CPXM2: variants seen among roughly 807,000 people sequenced by gnomAD.
CPXM2 encodes carboxypeptidase X, M14 family member 2.
A neutral mutation model predicts 86.1 loss-of-function variants in CPXM2; 66 were observed. That is an observed-to-expected ratio of 0.77 (90% confidence interval 0.63 to 0.94). The LOEUF is 0.94. CPXM2 is among the 40% of genes least tolerant of loss of function. The probability of loss-of-function intolerance (pLI) is 0.00; values close to 1 mark genes in which losing one functional copy is unlikely to be tolerated. For synonymous variants in CPXM2, 388 were observed against 400.2 expected (o/e 0.97, Z 0.36); for missense variants, 948 against 1,026.3 (o/e 0.92, Z 1.04).
intron 2 of CPXM2, among the ~76,000 whole-genome samples, chr10:123,866,180 C>CT (rs1848975708): frequency 1.3e-5 from 2 of 152,182 alleles, no homozygotes; most frequent in Admixed American, 6.5e-5. Flanking sequence ...CTCCCCTTCC[C>CT]TTTAACAATC....
At chr10:123,785,428 T>C (rs1847029198) in intron 6 of CPXM2, among the ~76,000 whole-genome samples, 1 of 152,130 alleles carries the variant, frequency 6.6e-6, no homozygotes, top group South Asian at 2.1e-4. Context: ...GACTCTGACA[T>C]GTGGCCTAAC....
intron 4 of CPXM2, among the ~76,000 whole-genome samples, chr10:123,819,882 A>T (rs893400470): frequency 1.2e-4 from 18 of 152,234 alleles, no homozygotes; most frequent in African/African-American, 4.3e-4. Context: ...ATGTTGCCAA[A>T]GGAGATTAAC....
chr10:123,836,034 C>T (rs910579255), intron 4 of CPXM2, among the ~76,000 whole-genome samples: 4 of 152,156 alleles, frequency 2.6e-5, no homozygotes, highest in African/African-American at 9.7e-5. Context: ...CCCTTCTCAC[C>T]TTCCTTTCCG....
chr10:123,850,678 A>G (rs1189248739), intron 3 of CPXM2, among the ~76,000 whole-genome samples: 1 of 152,252 alleles, frequency 6.6e-6, no homozygotes, highest in Non-Finnish European at 1.5e-5. Context: ...TATGCCCAGG[A>G]GACAAGTAAA....
At chr10:123,924,065 T>C (rs1945602229) in intron 2 of CPXM2, among the ~76,000 whole-genome samples, 1 of 152,212 alleles carries the variant, frequency 6.6e-6, no homozygotes, top group Admixed American at 6.5e-5. Flanking sequence ...GTTATATAAG[T>C]AAAAAGGGAA....
chr10:123,915,629 C>T (rs1409060170), intron 2 of CPXM2, among the ~76,000 whole-genome samples: 1 of 152,170 alleles, frequency 6.6e-6, no homozygotes, highest in Non-Finnish European at 1.5e-5. Context: ...CTTCAGACAA[C>T]TCATCATTTC....
At chr10:123,832,589 G>A (rs1186582109) in intron 4 of CPXM2, among the ~76,000 whole-genome samples, 1 of 152,134 alleles carries the variant, frequency 6.6e-6, no homozygotes, top group African/African-American at 2.4e-5. Context: ...CACTTTGGGA[G>A]GCCGAGGTGG....
In CPXM2 at chr10:123,861,289, C is replaced by G. The variant is rs147107521; in HGVS notation, c.513+1325G>C. Among the ~76,000 whole-genome samples, 32 of 152,190 alleles carry G rather than the reference C, an allele frequency of 2.1e-4. No individual in the cohort carries two copies. The East Asian group carries it at 6.0e-3, about 29-fold the overall frequency. On this transcript the variant is annotated intron_variant, in intron 3 of 13. Coordinates refer to ENST00000241305, the MANE Select transcript of CPXM2 (RefSeq NM_198148.3). Reference sequence around the variant, plus strand: ...TGCAAAGGGGCTTGGAAACTACTCCCAATACAGAAGAGCTATAGAAAGAAA... The same window carrying G: ...TGCAAAGGGGCTTGGAAACTACTCCGAATACAGAAGAGCTATAGAAAGAAA...
At chr10:123,903,959 C>T (rs912339955) in intron 2 of CPXM2, among the ~76,000 whole-genome samples, 2 of 152,284 alleles carry the variant, frequency 1.3e-5, no homozygotes, top group South Asian at 2.1e-4. Flanking sequence ...AGCCCCCACA[C>T]GGCCCCAGCT....
At chr10:123,804,762 C>G (rs1053646790) in intron 4 of CPXM2, among the ~76,000 whole-genome samples, 2 of 152,192 alleles carry the variant, frequency 1.3e-5, no homozygotes, top group African/African-American at 4.8e-5. Context: ...CAGCCTCATT[C>G]GTGAGATCCA....
At chr10:123,767,602 CT>C (rs1274041365) in intron 9 of CPXM2, among the ~76,000 whole-genome samples, 2 of 152,172 alleles carry the variant, frequency 1.3e-5, no homozygotes, top group Non-Finnish European at 2.9e-5. Flanking sequence ...GACCACATTT[CT>C]ATACTGTAAA....
chr10:123,836,338 T>C (rs561318976), intron 4 of CPXM2, among the ~76,000 whole-genome samples: 1 of 152,132 alleles, frequency 6.6e-6, no homozygotes, highest in East Asian at 1.9e-4. Context: ...CCACAGCGGC[T>C]CCTGAACCTG....
intron 4 of CPXM2, among the ~76,000 whole-genome samples, chr10:123,825,396 C>T (rs144173395): frequency 1.7e-3 from 259 of 152,304 alleles, no homozygotes; most frequent in African/African-American, 6.0e-3. Context: ...TGCAGCAGGC[C>T]GTGGAGGAAT....
Position 123,754,971 on chromosome 10 carries a change from A to G in CPXM2, c.1918-209T>C, listed in dbSNP as rs1265254483. On this transcript the variant is annotated intron_variant, in intron 12 of 13. Transcript: ENST00000241305. This position sits in a 1 kb window ranked among gnomAD's most constrained non-coding sequence, Gnocchi z 4.0. Reference sequence around the variant, plus strand: ...ATTAACAAGGGCGAGGTCTTAATGTAAGAAAAGTGAACTTATTTCTGAAGC... The same window carrying G: ...ATTAACAAGGGCGAGGTCTTAATGTGAGAAAAGTGAACTTATTTCTGAAGC... Among the ~76,000 whole-genome samples the G allele has an allele frequency of 3.3e-5, 5 of 152,246 alleles. No homozygotes were observed. The South Asian group carries it at 6.2e-4, about 19-fold the overall frequency.
In CPXM2 at chr10:123,768,456, G is replaced by T; in HGVS notation, c.1299+70C>A. 2.4e-6 allele frequency: 3 copies of T among 1,247,092 alleles called. No homozygotes were observed. The South Asian group carries it at 4.2e-5, about 17-fold the overall frequency. 77.3% of individuals were successfully genotyped at this position (1,247,092 alleles called of 1,614,324 possible). A position where few individuals can be genotyped will look rare whatever the true frequency, so the allele number is the denominator to read the frequency against. ...AGGTGGAATTTTGCATAGCCCTAGG[G>T]CCAGACATACTCTGGAGCTGGGGCC... On this transcript the variant is annotated intron_variant, in intron 9 of 13. Transcript: ENST00000241305.
At chr10:123,848,389 T>C (rs1257985674) in intron 3 of CPXM2, among the ~76,000 whole-genome samples, 2 of 152,238 alleles carry the variant, frequency 1.3e-5, no homozygotes, top group Non-Finnish European at 2.9e-5. Flanking sequence ...CTGTATTCAT[T>C]GTTTTTGAAG....
At chr10:123,814,446 G>A (rs532150762) in intron 4 of CPXM2, among the ~76,000 whole-genome samples, 30 of 152,182 alleles carry the variant, frequency 2.0e-4, no homozygotes, top group African/African-American at 6.0e-4. Context: ...GCTTGCAGAC[G>A]GCCTATTGTG....
At chr10:123,755,962 G>T (rs1009525450) in intron 12 of CPXM2, among the ~76,000 whole-genome samples, 1 of 152,274 alleles carries the variant, frequency 6.6e-6, no homozygotes, top group Middle Eastern at 3.4e-3. Context: ...TGAGTGAGAG[G>T]TTCCCCAAAG....
At chr10:123,869,102 G>A (rs1008224112) in intron 2 of CPXM2, among the ~76,000 whole-genome samples, 2 of 152,120 alleles carry the variant, frequency 1.3e-5, no homozygotes, top group African/African-American at 4.8e-5. Context: ...TGTAATCAGA[G>A]ATTTTAAAAA....
Sources: allele counts gnomAD v4.1 joint callset (sites outside exome capture counted in the v4.1 genomes callset), GRCh38; gene constraint gnomAD v4.1.1; non-coding constraint Gnocchi (gnomAD v3.1); transcripts MANE v1.5; gene names NCBI Gene and HGNC (gene_info 2026-07-23, HGNC 2026-07-21).